The following MAML1 variants were observed in gnomAD, a reference collection of about 807,000 sequenced individuals.
MAML1 encodes mastermind-like protein 1.
MAML1 carries 14 observed loss-of-function variants against 77.1 expected under a neutral mutation model. The ratio of observed to expected loss-of-function variants is 0.18; its 90% CI spans 0.12 to 0.28. MAML1 has a LOEUF of 0.28. Ranked by LOEUF, MAML1 falls within the 10% of genes least tolerant of loss-of-function variation. MAML1 has a pLI of 1.00. For missense variants in MAML1, 1,217 were observed against 1,327.8 expected (o/e 0.92, Z 1.30); for synonymous variants, 516 against 551.9 (o/e 0.93, Z 0.91).
At chr5:179,756,096 CA>C (rs1779609214) in intron 1 of MAML1, among the ~76,000 whole-genome samples, 1 of 151,112 alleles carries the variant, frequency 6.6e-6, no homozygotes, top group Admixed American at 6.6e-5. Context: ...CCAGGGAAGC[CA>C]AAAGATTGGA....
chr5:179,748,955 T>TG (rs1312049837), intron 1 of MAML1, among the ~76,000 whole-genome samples: 2 of 113,986 alleles, frequency 1.8e-5, no homozygotes, highest in Non-Finnish European at 4.1e-5. Flanking sequence ...TTTTTGTTTT[T>TG]TTTTTTTTTG....
In MAML1 at chr5:179,766,030, C is replaced by T; in HGVS notation, c.1020C>T (p.Ser340=). ...SSAPVSTDSP[S]LGGSQTLFHT... ...CCCCTGTGAGTACAGATTCCCCCAG[C>T]CTAGGGGGCTCCCAAACCTTATTCC... Residue 340 remains serine, a synonymous_variant, in exon 2 of 5, where the codon AGC becomes AGT. Transcript: ENST00000292599. This position sits in a 1 kb window ranked among gnomAD's most constrained non-coding sequence, Gnocchi z 4.0. 6.3e-7 allele frequency: 1 copy of T among 1,594,666 alleles called. No homozygotes were observed. Among genetic ancestry groups the T allele is most frequent in the South Asian group, 1.1e-5 (1 of 88,056 alleles).
intron 1 of MAML1, among the ~76,000 whole-genome samples, chr5:179,759,319 G>A (rs918924472): frequency 6.6e-6 from 1 of 152,178 alleles, no homozygotes; most frequent in Non-Finnish European, 1.5e-5. Context: ...AATTTTCTCA[G>A]TTTCAGTGGC....
At chr5:179,746,033 CAA>C (rs35594249) in intron 1 of MAML1, among the ~76,000 whole-genome samples, 16 of 139,110 alleles carry the variant, frequency 1.2e-4, no homozygotes, top group East Asian at 4.4e-4. Flanking sequence ...AACTCTGCCT[CAA>C]AAAAAAAAAA....
rs148201419 is a variant in MAML1, at chr5:179,753,173, T to G, written c.316-12153T>G. 6.9e-3 allele frequency among the ~76,000 whole-genome samples: 1,035 copies of G among 149,056 alleles called. 15 individuals are homozygous for G. Among genetic ancestry groups the G allele is most frequent in the Admixed American group, 0.033 (478 of 14,510 alleles). On this transcript the variant is annotated intron_variant, in intron 1 of 4. Transcript: ENST00000292599. Reference sequence around the variant, plus strand: ...TCAGTTTGCTCACCTAAATCCTAGATGCTATTTTTTAGTGTGTGTGTGTGT... The same window carrying G: ...TCAGTTTGCTCACCTAAATCCTAGAGGCTATTTTTTAGTGTGTGTGTGTGT...
At chr5:179,773,000 C>T (rs895008981) in intron 4 of MAML1, among the ~76,000 whole-genome samples, 15 of 152,244 alleles carry the variant, frequency 9.9e-5, no homozygotes, top group African/African-American at 3.4e-4. Context: ...AAGCAATTCT[C>T]CTGCCTCAGC....
intron 1 of MAML1, among the ~76,000 whole-genome samples, chr5:179,757,479 A>C (rs1045897652): frequency 6.6e-6 from 1 of 152,042 alleles, no homozygotes; most frequent in Non-Finnish European, 1.5e-5. Context: ...GAGGCAGGAG[A>C]ATCACTCGAA....
Position 179,766,358 on chromosome 5 carries a change from G to T in MAML1, c.1348G>T (p.Ala450Ser), listed in dbSNP as rs773562492. 6.2e-7 allele frequency: 1 copy of T among 1,605,958 alleles called. No homozygotes were observed. The highest frequency in any genetic ancestry group is 8.5e-7 in the Non-Finnish European group (1 of 1,175,340). ...TGTCCCTTACCCCATGGAGAAGCCT[G>T]CCAGCCCTTCCAGCTACAAGCAAGA... ...LDVPYPMEKP[A>S]SPSSYKQDFT... The change falls in exon 2 of 5, where the codon GCC becomes TCC. Residue 450 changes from alanine to serine, a missense_variant. By Grantham distance (99) the Ala-to-Ser change is moderately conservative. Coordinates refer to ENST00000292599, the MANE Select transcript of MAML1 (RefSeq NM_014757.5). The surrounding 1 kb of genome is among the most constrained non-coding windows in gnomAD (Gnocchi z 4.0).
At chr5:179,755,268 C>T (rs576379532) in intron 1 of MAML1, among the ~76,000 whole-genome samples, 11 of 152,242 alleles carry the variant, frequency 7.2e-5, no homozygotes, top group African/African-American at 2.6e-4. Flanking sequence ...GCAGAGAGAG[C>T]GAGCCTGGGA....
intron 1 of MAML1, among the ~76,000 whole-genome samples, chr5:179,760,496 C>G (rs1390939711): frequency 6.6e-6 from 1 of 152,090 alleles, no homozygotes; most frequent in Admixed American, 6.6e-5. Flanking sequence ...GCCGCATGAC[C>G]CCAGCATGCT....
intron 1 of MAML1, among the ~76,000 whole-genome samples, chr5:179,735,162 C>G (rs1231668937): frequency 6.6e-6 from 1 of 151,984 alleles, no homozygotes; most frequent in African/African-American, 2.4e-5. Flanking sequence ...TACCCTAAAA[C>G]TTAAAGTATG....
chr5:179,751,787 A>G (rs1779493936), intron 1 of MAML1, among the ~76,000 whole-genome samples: 1 of 151,770 alleles, frequency 6.6e-6, no homozygotes, highest in African/African-American at 2.4e-5. Context: ...TGAACTGGGC[A>G]GATCACTTGA....
Position 179,774,716 on chromosome 5 carries a change from C to G in MAML1, c.2890C>G (p.Arg964Gly), listed in dbSNP as rs746302193. Residue 964 changes from arginine to glycine, a missense_variant, in exon 5 of 5, where the codon CGG (arginine) becomes GGG (glycine). Coordinates refer to ENST00000292599, the MANE Select transcript of MAML1 (RefSeq NM_014757.5). ...GLHCTQAYPVRTAGQELPFAY... is the reference protein window; with the variant it reads ...GLHCTQAYPVGTAGQELPFAY... The stretch of plus-strand genomic sequence containing the variant: ...GCACTGCACCCAGGCCTACCCTGTG[C>G]GGACCGCGGGCCAGGAGCTGCCTTT... The G allele has an allele frequency of 1.2e-6, 2 of 1,610,778 alleles. No individual in the cohort carries two copies. The highest frequency in any genetic ancestry group is 1.7e-4 in the Middle Eastern group (1 of 6,060).
intron 1 of MAML1, among the ~76,000 whole-genome samples, chr5:179,757,487 G>A (rs76025697): frequency 0.35 from 53,884 of 151,834 alleles, 10,582 homozygotes; most frequent in South Asian, 0.54. Context: ...AGAATCACTC[G>A]AACCTGGGAG....
rs184473039 is a variant in MAML1, at chr5:179,744,629, C to T, written c.315+11202C>T. On this transcript the variant is annotated intron_variant, in intron 1 of 4. Transcript: ENST00000292599. ...TTGGCTCACTGCAACCTCCGCCTCC[C>T]GGGTTCAAGCAGTTCTGCCTCAGCC... 1.9e-3 allele frequency among the ~76,000 whole-genome samples: 283 copies of T among 151,896 alleles called. 1 individual carries two copies. Among genetic ancestry groups the T allele is most frequent in the African/African-American group, 6.1e-3 (254 of 41,438 alleles).
At position 179,776,834 on chromosome 5, in the gene MAML1, A is replaced by C; in HGVS notation, c.*1957A>C. 12 of 985,954 alleles carry C rather than the reference A, an allele frequency of 1.2e-5. No individual in the cohort carries two copies. Among genetic ancestry groups the C allele is most frequent in the Non-Finnish European group, 1.3e-5 (11 of 829,996 alleles). 61.1% of individuals were successfully genotyped at this position (985,954 alleles called of 1,614,324 possible). On this transcript the variant is annotated 3_prime_UTR_variant, in exon 5 of 5. Coordinates refer to ENST00000292599, the MANE Select transcript of MAML1 (RefSeq NM_014757.5). ...AAAATGTGATTCTTGGGGTCCCCCC[A>C]GGGAGCTGCCCATGGCTTTATTTAT...
At chr5:179,755,735 A>G (rs566146694) in intron 1 of MAML1, among the ~76,000 whole-genome samples, 1 of 145,374 alleles carries the variant, frequency 6.9e-6, no homozygotes, top group Admixed American at 6.9e-5. Flanking sequence ...AGCTACTATT[A>G]TTGTTAGCTT....
At position 179,775,757 on chromosome 5, in the gene MAML1, G is replaced by T; in HGVS notation, c.*880G>T. On this transcript the variant is annotated 3_prime_UTR_variant, in exon 5 of 5. Transcript: ENST00000292599. ...CATGTATGTTGCCCATGGTGGGAGCGTGGTCACTGTGCAGTTGTGCACAGA... is the reference window on the plus strand; with the variant it reads ...CATGTATGTTGCCCATGGTGGGAGCTTGGTCACTGTGCAGTTGTGCACAGA... 2 of 985,482 alleles carry T rather than the reference G, an allele frequency of 2.0e-6. No homozygotes were observed. Among genetic ancestry groups the T allele is most frequent in the Non-Finnish European group, 2.4e-6 (2 of 829,962 alleles). The allele number at this position is 985,482 out of a possible 1,614,324, so 61.0% of individuals were successfully genotyped here. A position where few individuals can be genotyped will look rare whatever the true frequency, so the allele number is the denominator to read the frequency against.
chr5:179,761,659 C>T (rs1039360696), intron 1 of MAML1, among the ~76,000 whole-genome samples: 4 of 152,144 alleles, frequency 2.6e-5, no homozygotes, highest in African/African-American at 9.7e-5. Context: ...TGCACCATTG[C>T]ACTCCAGCCT....
Sources: allele counts gnomAD v4.1 joint callset (sites outside exome capture counted in the v4.1 genomes callset), GRCh38; gene constraint gnomAD v4.1.1; non-coding constraint Gnocchi (gnomAD v3.1); transcripts MANE v1.5; gene names NCBI Gene and HGNC (gene_info 2026-07-23, HGNC 2026-07-21).